The following ATAD2B variants were observed in gnomAD, a reference collection of about 807,000 sequenced individuals.
ATAD2B encodes ATPase family AAA domain containing 2B.
Under a neutral mutation model 167.6 loss-of-function variants are expected in ATAD2B, and 40 were observed. The observed-to-expected ratio is 0.24, with a 90% CI of 0.19 to 0.31. ATAD2B has a LOEUF of 0.31. Ranked by LOEUF, ATAD2B falls within the 10% of genes least tolerant of loss-of-function variation. The pLI, the probability that ATAD2B is intolerant of heterozygous loss-of-function variation, is 1.00. For synonymous variants in ATAD2B, 579 were observed against 596.5 expected (o/e 0.97, Z 0.43); for missense variants, 1,242 against 1,757.2 (o/e 0.71, Z 5.24).
intron 2 of ATAD2B, among the ~76,000 whole-genome samples, chr2:23,889,295 G>A (rs1699131763): frequency 1.3e-5 from 2 of 151,948 alleles, no homozygotes; most frequent in Non-Finnish European, 2.9e-5. Context: ...AGCCTCCCAA[G>A]TAGCTGGAAT....
At chr2:23,742,830 A>G in the ATAD2B span, among the ~76,000 whole-genome samples, 1 of 152,210 alleles carries the variant, frequency 6.6e-6, no homozygotes, top group East Asian at 1.9e-4. Flanking sequence ...AAAGGCCAAG[A>G]TCTGAATAAC....
At chr2:23,817,662 AAC>A (rs1398466394) in intron 17 of ATAD2B, among the ~76,000 whole-genome samples, 1 of 152,220 alleles carries the variant, frequency 6.6e-6, no homozygotes, top group East Asian at 1.9e-4. Context: ...GCATAGGGTA[AAC>A]AAAGAAAAAT....
At chr2:23,825,597 C>T (rs1688129824) in intron 15 of ATAD2B, among the ~76,000 whole-genome samples, 1 of 152,102 alleles carries the variant, frequency 6.6e-6, no homozygotes, top group Non-Finnish European at 1.5e-5. Flanking sequence ...ACAAAGTAAT[C>T]TAAGTATATG....
At chr2:23,693,159 G>T in the ATAD2B span, 1 of 1,163,302 alleles carries the variant, frequency 8.6e-7, no homozygotes, top group Non-Finnish European at 1.1e-6. Context: ...ACTGCAGTCA[G>T]GGTCCCCCGG....
At position 23,915,586 on chromosome 2, in the gene ATAD2B, C is replaced by CTTTTTT. The variant is rs869032768; in HGVS notation, c.216+10963_216+10968dup. Among the ~76,000 whole-genome samples the CTTTTTT allele has an allele frequency of 1.1e-3, 70 of 65,246 alleles. 9 individuals carry two copies. The highest frequency in any genetic ancestry group is 6.5e-4 in the Non-Finnish European group (24 of 36,710). 42.8% of individuals were successfully genotyped at this position (65,246 alleles called of 152,430 possible). On this transcript the variant is annotated intron_variant, in intron 1 of 27. Transcript: ENST00000238789. ...AAACAACCATGTCTGACTACCGATT[C>CTTTTTT]TTTTTTTTTTTTTTTTTTTTTTTTT...
At chr2:23,885,603 T>C (rs1698550716) in intron 5 of ATAD2B, 124 bp downstream of exon 5, 2 of 547,322 alleles carry the variant, frequency 3.7e-6, no homozygotes, top group Non-Finnish European at 6.4e-6. Flanking sequence ...CCAAACTAAG[T>C]TGGAAATGAA....
chr2:23,868,309 T>A (rs1695443423), intron 9 of ATAD2B, among the ~76,000 whole-genome samples: 1 of 152,204 alleles, frequency 6.6e-6, no homozygotes, highest in South Asian at 2.1e-4. Flanking sequence ...AAGCTACTGA[T>A]TGATTGATTG....
the ATAD2B span, among the ~76,000 whole-genome samples, chr2:23,730,690 A>AG: frequency 3.4e-5 from 5 of 147,076 alleles, no homozygotes; most frequent in Admixed American, 6.8e-5. Context: ...AAAAAAAAAA[A>AG]GGAAAGAAAA....
chr2:23,758,502 T>C (rs1422116864), intron 24 of ATAD2B, among the ~76,000 whole-genome samples: 1 of 152,154 alleles, frequency 6.6e-6, no homozygotes, highest in African/African-American at 2.4e-5. Flanking sequence ...ACCAGGAAGG[T>C]GGATGTTTTA....
At chr2:23,733,489 G>A in the ATAD2B span, among the ~76,000 whole-genome samples, 7 of 152,186 alleles carry the variant, frequency 4.6e-5, no homozygotes, top group Non-Finnish European at 7.4e-5. Context: ...GATCTGATTC[G>A]TGCTCATGGT....
chr2:23,759,435 T>A (rs1676380866), intron 24 of ATAD2B, among the ~76,000 whole-genome samples: 1 of 152,192 alleles, frequency 6.6e-6, no homozygotes, highest in Non-Finnish European at 1.5e-5. Flanking sequence ...ATATTCACAC[T>A]GCTTAATATG....
intron 1 of ATAD2B, among the ~76,000 whole-genome samples, chr2:23,924,080 G>A: frequency 7.1e-6 from 1 of 141,668 alleles, no homozygotes; most frequent in African/African-American, 2.5e-5. Context: ...CTACTCGGGA[G>A]GCTGAGGCAG....
chr2:23,845,124 C>T (rs1691544160), intron 13 of ATAD2B, among the ~76,000 whole-genome samples: 1 of 152,090 alleles, frequency 6.6e-6, no homozygotes, highest in Non-Finnish European at 1.5e-5. Context: ...AAATTTTATA[C>T]CCAGAGAAAA....
Position 23,833,919 on chromosome 2 carries a change from C to T in ATAD2B, c.1728G>A (p.Lys576=), listed in dbSNP as rs576819023. 522 of 1,599,242 alleles carry T rather than the reference C, an allele frequency of 3.3e-4. 7 individuals are homozygous for T. In the South Asian group the frequency reaches 5.4e-3, roughly 16 times the overall value. ...ACATATTGAAAACAAAAACTCTTAC[C>T]TTTTGATCAGGCAGGTTGAAGAGGA... ...REFLFNLPDQ[K]ARKHILQIHT... The change falls in exon 14 of 28, where the codon AAG becomes AAA. Residue 576 remains lysine, a splice_region_variant and synonymous_variant. Coordinates refer to ENST00000238789, the MANE Select transcript of ATAD2B (RefSeq NM_017552.4).
At chr2:23,770,647 T>C (rs2551333) in intron 22 of ATAD2B, among the ~76,000 whole-genome samples, 5,863 of 152,322 alleles carry the variant, frequency 0.038, 110 homozygotes, top group Admixed American at 0.046. Flanking sequence ...CAAAAAGCAA[T>C]TGACCCTCTA....
At chr2:23,743,989 A>G (rs1323816626), downstream of ATAD2B, among the ~76,000 whole-genome samples, 1 of 152,242 alleles carries the variant, frequency 6.6e-6, no homozygotes, top group African/African-American at 2.4e-5. Flanking sequence ...AAGGTGTACA[A>G]GAAAGGAAAC....
At chr2:23,785,507 G>A (rs1174325018) in intron 21 of ATAD2B, among the ~76,000 whole-genome samples, 1 of 152,062 alleles carries the variant, frequency 6.6e-6, no homozygotes, top group Non-Finnish European at 1.5e-5. Flanking sequence ...TGGGAGCAGA[G>A]AAAATCCTTA....
At chr2:23,884,905 C>A in intron 5 of ATAD2B, 32 bp from the exon 6 acceptor site, 1 of 1,376,100 alleles carries the variant, frequency 7.3e-7, no homozygotes, top group African/African-American at 1.5e-5. Context: ...CAAATAGCAA[C>A]ATGACATTTA....
intron 21 of ATAD2B, among the ~76,000 whole-genome samples, chr2:23,785,106 G>C (rs995255834): frequency 6.6e-6 from 1 of 151,944 alleles, no homozygotes; most frequent in Admixed American, 6.6e-5. Flanking sequence ...ACTTGCCAGG[G>C]GGGAGGAATG....
Sources: allele counts gnomAD v4.1 joint callset (sites outside exome capture counted in the v4.1 genomes callset), GRCh38; gene constraint gnomAD v4.1.1; transcripts MANE v1.5; gene names NCBI Gene and HGNC (gene_info 2026-07-23, HGNC 2026-07-21).